The following ADAMTS18 variants were observed in gnomAD, a reference collection of about 807,000 sequenced individuals.
ADAMTS18 encodes ADAM metallopeptidase with thrombospondin type 1 motif 18.
In ADAMTS18, 157 loss-of-function variants were observed where a neutral mutation model predicts 165.9. That is an observed-to-expected ratio of 0.95 (90% CI 0.83 to 1.08). The LOEUF (loss-of-function observed/expected upper bound fraction) is 1.08, where lower values mean the gene tolerates loss of function less well. ADAMTS18 is among the 50% of genes least tolerant of loss of function. The pLI, the probability that ADAMTS18 is intolerant of heterozygous loss-of-function variation, is 0.00. For synonymous variants in ADAMTS18, 782 were observed against 578.2 expected (o/e 1.35, Z -5.06); for missense variants, 2,040 against 1,534.0 (o/e 1.33, Z -5.51).
intron 16 of ADAMTS18, among the ~76,000 whole-genome samples, chr16:77,317,709 G>C (rs958126760): frequency 6.6e-6 from 1 of 152,148 alleles, no homozygotes; most frequent in African/African-American, 2.4e-5. Flanking sequence ...TCAACACACA[G>C]AACACAAACT....
rs1391548833 is a variant in ADAMTS18, at chr16:77,367,699, T to A, written c.520A>T (p.Asn174Tyr). 4 of 1,614,172 alleles carry A rather than the reference T, an allele frequency of 2.5e-6. No individual in the cohort carries two copies. The South Asian group carries it at 4.4e-5, about 18-fold the overall frequency. The change falls in exon 4 of 23, where the codon AAT becomes TAT. Residue 174 changes from asparagine to tyrosine, a missense_variant. Asn to Tyr is a moderately radical substitution (Grantham distance 143). Coordinates refer to ENST00000282849, the MANE Select transcript of ADAMTS18 (RefSeq NM_199355.4). ...GGTAATGGCGAGATGAGGAATTCATTTTTTCGTGTCCTTATTAAACCTGAC... is the reference window on the plus strand; with the variant it reads ...GGTAATGGCGAGATGAGGAATTCATATTTTCGTGTCCTTATTAAACCTGAC... ...GLSGLIRTRK[N>Y]EFLISPLPQL...
At chr16:77,404,138 C>G (rs2144815310) in intron 3 of ADAMTS18, among the ~76,000 whole-genome samples, 1 of 151,974 alleles carries the variant, frequency 6.6e-6, no homozygotes, top group South Asian at 2.1e-4. Context: ...CCTTTAAAGA[C>G]AACTGTGTCT....
chr16:77,361,098 A>T (rs1231830287), intron 7 of ADAMTS18, among the ~76,000 whole-genome samples: 2 of 152,202 alleles, frequency 1.3e-5, no homozygotes, highest in Admixed American at 1.3e-4. Context: ...AAAAAATAAA[A>T]AAAATTCATA....
At chr16:77,421,718 T>A (rs919373) in intron 3 of ADAMTS18, among the ~76,000 whole-genome samples, 26,141 of 152,170 alleles carry the variant, frequency 0.17, 2,777 homozygotes, top group Non-Finnish European at 0.25. Context: ...ATGTCCCATA[T>A]GTATTTGACA....
At chr16:77,337,042 G>T (rs76210283) in intron 11 of ADAMTS18, among the ~76,000 whole-genome samples, 1,641 of 152,264 alleles carry the variant, frequency 0.011, 29 homozygotes, top group African/African-American at 0.037. Flanking sequence ...TGTGTGGCTT[G>T]GTTGCTAGCG....
chr16:77,362,287 A>G lies in ADAMTS18; in HGVS notation c.1057-23T>C, dbSNP rs753971562. On this transcript the variant is annotated intron_variant, in intron 6 of 22. Transcript: ENST00000282849. ...TCCCTATGGGAAACCCACACAAATC[A>G]AAGTGTGAATTTGTCACAGAGATGA... 2.5e-6 allele frequency: 4 copies of G among 1,613,478 alleles called. No homozygotes were observed. In the East Asian group the frequency reaches 6.7e-5, roughly 27 times the overall value.
intron 22 of ADAMTS18, among the ~76,000 whole-genome samples, chr16:77,284,336 C>T (rs368270428): frequency 3.7e-4 from 57 of 152,180 alleles, no homozygotes; most frequent in African/African-American, 1.4e-3. Context: ...CCATGCTGGC[C>T]AGGCTGGTCT....
rs146543172 is a variant in ADAMTS18 at position 77,377,477 on chromosome 16, G to C, written c.496-9754C>G. Among the ~76,000 whole-genome samples, 84 of 152,304 alleles carry C rather than the reference G, an allele frequency of 5.5e-4. No individual in the cohort carries two copies. The East Asian group carries it at 0.013, about 24-fold the overall frequency. ...AAGATCTAATGAACGAATAATGTTT[G>C]TAACAATAGAGCCAGAACTTCAAAT... On this transcript the variant is annotated intron_variant, in intron 3 of 22. Coordinates refer to ENST00000282849, the MANE Select transcript of ADAMTS18 (RefSeq NM_199355.4).
At chr16:77,335,955 C>G in intron 11 of ADAMTS18, 51 bp from the exon 12 acceptor site, 1 of 1,612,184 alleles carries the variant, frequency 6.2e-7, no homozygotes, top group Admixed American at 1.7e-5. Context: ...CCTGGGAAAG[C>G]GCAGGGAGTT....
At chr16:77,313,393 T>C (rs111693835) in intron 16 of ADAMTS18, among the ~76,000 whole-genome samples, 173 of 151,634 alleles carry the variant, frequency 1.1e-3, no homozygotes, top group African/African-American at 4.1e-3. Flanking sequence ...TGTATACATA[T>C]GTAACAAACC....
At chr16:77,317,144 C>T (rs2055901929) in intron 16 of ADAMTS18, among the ~76,000 whole-genome samples, 3 of 152,144 alleles carry the variant, frequency 2.0e-5, no homozygotes, top group African/African-American at 7.2e-5. Context: ...CTCAAAGAAC[C>T]TACCACAATC....
At chr16:77,297,915 G>GTTT (rs2055504950) in intron 17 of ADAMTS18, among the ~76,000 whole-genome samples, 2 of 74,332 alleles carry the variant, frequency 2.7e-5, no homozygotes, top group Admixed American at 1.4e-4. Flanking sequence ...CTCTGCTTTT[G>GTTT]CTTTTTTTTT....
chr16:77,350,401 G>A (rs2056538964), intron 10 of ADAMTS18, among the ~76,000 whole-genome samples: 1 of 152,122 alleles, frequency 6.6e-6, no homozygotes. Context: ...TGATGATGCT[G>A]AAGACATAAG....
intron 5 of ADAMTS18, 124 bp downstream of exon 5, chr16:77,364,064 T>C (rs1427722512): frequency 2.2e-6 from 3 of 1,371,486 alleles, no homozygotes; most frequent in African/African-American, 2.8e-5. Context: ...CTATTAAAAG[T>C]AATGGCAGAA....
chr16:77,325,639 G>T (rs1192374575), intron 13 of ADAMTS18, among the ~76,000 whole-genome samples: 1 of 151,360 alleles, frequency 6.6e-6, no homozygotes. Context: ...TGAAACCTTG[G>T]GTTTACAGAT....
intron 7 of ADAMTS18, among the ~76,000 whole-genome samples, chr16:77,361,468 T>C (rs2056711985): frequency 1.3e-5 from 2 of 152,228 alleles, no homozygotes; most frequent in South Asian, 4.1e-4. Context: ...TTAGGTACCA[T>C]GGAGCCCAGT....
chr16:77,337,938 T>C (rs2056336233), intron 11 of ADAMTS18, among the ~76,000 whole-genome samples: 1 of 150,796 alleles, frequency 6.6e-6, no homozygotes, highest in African/African-American at 2.4e-5. Flanking sequence ...AGTTTCACTC[T>C]TGTTGCCCAT....
chr16:77,289,429 G>A lies in ADAMTS18; in HGVS notation c.3403-18C>T. On this transcript the variant is annotated intron_variant, in intron 21 of 22. Coordinates refer to ENST00000282849, the MANE Select transcript of ADAMTS18 (RefSeq NM_199355.4). Reference sequence around the variant, plus strand: ...ACTGTGCACTGCAGCAGAGAGAAGAGGAAGGAGTCAGAAACACTCTACTGA... The same window carrying A: ...ACTGTGCACTGCAGCAGAGAGAAGAAGAAGGAGTCAGAAACACTCTACTGA... The A allele has an allele frequency of 2.5e-6, 4 of 1,613,482 alleles. No individual in the cohort carries two copies. The highest frequency in any genetic ancestry group is 3.4e-6 in the Non-Finnish European group (4 of 1,179,832).
chr16:77,319,097 A>G (rs2055940182), intron 16 of ADAMTS18, among the ~76,000 whole-genome samples: 2 of 152,110 alleles, frequency 1.3e-5, no homozygotes, highest in South Asian at 2.1e-4. Flanking sequence ...GGGAAGCTAC[A>G]AACTACAAAA....
Sources: gnomAD v4.1 joint callset for allele counts (sites outside exome capture counted in the v4.1 genomes callset) on GRCh38, gnomAD v4.1.1 for gene constraint, MANE v1.5 for transcripts, NCBI Gene and HGNC (gene_info 2026-07-23, HGNC 2026-07-21) for gene names.